Variants in TRAF3IP1 observed in about 807,000 individuals in gnomAD.
TRAF3IP1 encodes the protein intraflagellar transport 54, also known as TRAF3-interacting protein 1.
A neutral mutation model predicts 89.9 loss-of-function variants in TRAF3IP1; 53 were observed. The observed-to-expected ratio is 0.59, with a 90% CI of 0.47 to 0.74. TRAF3IP1 has a LOEUF of 0.74. Ranked by LOEUF, TRAF3IP1 falls within the 30% of genes least tolerant of loss-of-function variation. The pLI, the probability that TRAF3IP1 is intolerant of heterozygous loss-of-function variation, is 0.00. For synonymous variants in TRAF3IP1, 311 were observed against 322.1 expected (o/e 0.97, Z 0.37); for missense variants, 806 against 866.1 (o/e 0.93, Z 0.87).
chr2:238,362,129 C>G (rs1431636593), intron 15 of TRAF3IP1, among the ~76,000 whole-genome samples: 1 of 152,186 alleles, frequency 6.6e-6, no homozygotes, highest in Non-Finnish European at 1.5e-5. Context: ...GCACAGCACT[C>G]TCCTCTGGCG....
At chr2:238,371,280 T>G (rs56149708) in intron 15 of TRAF3IP1, among the ~76,000 whole-genome samples, 15,975 of 152,126 alleles carry the variant, frequency 0.11, 1,348 homozygotes, top group African/African-American at 0.23. Context: ...TTTTTTTCGG[T>G]TTGTTTTTGT....
chr2:238,362,635 A>G (rs1699711456), intron 15 of TRAF3IP1, among the ~76,000 whole-genome samples: 1 of 152,214 alleles, frequency 6.6e-6, no homozygotes, highest in Non-Finnish European at 1.5e-5. Flanking sequence ...TTCCACTTAT[A>G]TTATGTTGGC....
chr2:238,395,927 G>A (rs1461925022), intron 15 of TRAF3IP1, among the ~76,000 whole-genome samples: 1 of 152,184 alleles, frequency 6.6e-6, no homozygotes, highest in Non-Finnish European at 1.5e-5. Context: ...TTACACTGTT[G>A]GTGGGACTGT....
chr2:238,339,985 G>A (rs1559363305), intron 8 of TRAF3IP1, among the ~76,000 whole-genome samples: 1 of 151,992 alleles, frequency 6.6e-6, no homozygotes, highest in Admixed American at 6.6e-5. Context: ...AGATTGGGAT[G>A]GAGCCTGATG....
chr2:238,374,051 A>G (rs1700217824), intron 15 of TRAF3IP1, among the ~76,000 whole-genome samples: 1 of 152,184 alleles, frequency 6.6e-6, no homozygotes, highest in Admixed American at 6.5e-5. Context: ...GGGGTTTTCT[A>G]AATATACCAT....
intron 7 of TRAF3IP1, among the ~76,000 whole-genome samples, chr2:238,335,823 C>T (rs985030176): frequency 1.0e-4 from 15 of 146,844 alleles, no homozygotes; most frequent in East Asian, 1.9e-4. Flanking sequence ...TATTTTGAGA[C>T]GGAGTCTCAC....
intron 15 of TRAF3IP1, among the ~76,000 whole-genome samples, chr2:238,370,716 C>T (rs2106350580): frequency 6.6e-6 from 1 of 152,306 alleles, no homozygotes; most frequent in East Asian, 1.9e-4. Context: ...CTCTCATCTC[C>T]CTCTCGTGGC....
At position 238,329,346 on chromosome 2, in the gene TRAF3IP1, A is replaced by G; in HGVS notation, c.915+4A>G. On this transcript the variant is annotated splice_donor_region_variant and intron_variant, in intron 5 of 16. Transcript: ENST00000373327. Reference sequence around the variant, plus strand: ...GCATGACAAACCTGAGAAAAAGGTAAAGTCTTGCTGAGAACCTCGCCTTTT... The same window carrying G: ...GCATGACAAACCTGAGAAAAAGGTAGAGTCTTGCTGAGAACCTCGCCTTTT... The G allele has an allele frequency of 1.5e-6, 2 of 1,355,826 alleles. No individual in the cohort carries two copies. Among genetic ancestry groups the G allele is most frequent in the Non-Finnish European group, 1.9e-6 (2 of 1,045,958 alleles). The allele number at this position is 1,355,826 out of a possible 1,614,324, so 84.0% of individuals were successfully genotyped here. A position where few individuals can be genotyped will look rare whatever the true frequency, so the allele number is the denominator to read the frequency against.
chr2:238,329,337 A>G lies in TRAF3IP1; in HGVS notation c.910A>G (p.Lys304Glu), dbSNP rs200303815. The change falls in exon 5 of 17, where the codon AAA (lysine) becomes GAA (glutamate). Residue 304 changes from lysine to glutamate, a missense_variant. Physicochemically the swap from Lys to Glu is moderately conservative, Grantham distance 56. Coordinates refer to ENST00000373327, the MANE Select transcript of TRAF3IP1 (RefSeq NM_015650.4). Reference protein sequence around the residue: ...EKNREHDKPEKKSASSGEMSK... With the variant: ...EKNREHDKPEEKSASSGEMSK... ...GAACAGAGAGCATGACAAACCTGAG[A>G]AAAAGGTAAAGTCTTGCTGAGAACC... The G allele has an allele frequency of 1.0e-4, 140 of 1,357,758 alleles. No homozygotes were observed. The highest frequency in any genetic ancestry group is 1.3e-4 in the Non-Finnish European group (134 of 1,046,924). The allele number at this position is 1,357,758 out of a possible 1,614,324, so 84.1% of individuals were successfully genotyped here.
chr2:238,373,755 C>CT (rs1475066352), intron 15 of TRAF3IP1, among the ~76,000 whole-genome samples: 1 of 152,144 alleles, frequency 6.6e-6, no homozygotes, highest in East Asian at 1.9e-4. Context: ...TTGATTCTTC[C>CT]TATCCATGAG....
At chr2:238,325,450 C>A in intron 2 of TRAF3IP1, 76 bp downstream of exon 2, 1 of 1,452,388 alleles carries the variant, frequency 6.9e-7, no homozygotes, top group Non-Finnish European at 9.7e-7. Context: ...GGTAGTGTGG[C>A]TTGTGTCATT....
At chr2:238,337,048 A>G (rs1234599703) in intron 7 of TRAF3IP1, among the ~76,000 whole-genome samples, 2 of 152,046 alleles carry the variant, frequency 1.3e-5, no homozygotes, top group African/African-American at 4.8e-5. Flanking sequence ...GAGGGGGCAG[A>G]GGGACATGTT....
At chr2:238,333,479 GT>G (rs1366948498) in intron 6 of TRAF3IP1, among the ~76,000 whole-genome samples, 6 of 152,204 alleles carry the variant, frequency 3.9e-5, no homozygotes, top group Non-Finnish European at 5.9e-5. Flanking sequence ...TAGGCATAGA[GT>G]AGAGGCTGGG....
intron 15 of TRAF3IP1, among the ~76,000 whole-genome samples, chr2:238,375,974 C>T (rs1238029053): frequency 6.6e-6 from 1 of 152,154 alleles, no homozygotes; most frequent in African/African-American, 2.4e-5. Flanking sequence ...AATGCTGTCT[C>T]TGCTGAATAT....
At chr2:238,342,683 T>G (rs1044064056) in intron 8 of TRAF3IP1, among the ~76,000 whole-genome samples, 2 of 152,196 alleles carry the variant, frequency 1.3e-5, no homozygotes, top group Admixed American at 6.5e-5. Flanking sequence ...CTTATGTTTA[T>G]TTTTAGATTT....
chr2:238,341,418 G>A (rs1698647808), intron 8 of TRAF3IP1, among the ~76,000 whole-genome samples: 1 of 151,820 alleles, frequency 6.6e-6, no homozygotes, highest in Non-Finnish European at 1.5e-5. Context: ...TTAAAAAAAA[G>A]TACATTTTCC....
intron 15 of TRAF3IP1, among the ~76,000 whole-genome samples, chr2:238,358,378 A>G (rs1438594334): frequency 6.6e-6 from 1 of 152,164 alleles, no homozygotes; most frequent in Non-Finnish European, 1.5e-5. Context: ...TCTACTAAGA[A>G]TGCAAACATT....
At chr2:238,388,374 C>CAAAA (rs71043134) in intron 15 of TRAF3IP1, among the ~76,000 whole-genome samples, 5 of 101,630 alleles carry the variant, frequency 4.9e-5, no homozygotes, top group Admixed American at 2.2e-4. Context: ...GACCCTGTCT[C>CAAAA]AAAAAAAAAA....
At chr2:238,330,411 G>A (rs951866938) in intron 5 of TRAF3IP1, among the ~76,000 whole-genome samples, 1 of 152,160 alleles carries the variant, frequency 6.6e-6, no homozygotes, top group Admixed American at 6.5e-5. Flanking sequence ...ACCCAGACAC[G>A]CATTCTTTGG....
Sources: gnomAD v4.1 joint callset for allele counts (sites outside exome capture counted in the v4.1 genomes callset) on GRCh38, gnomAD v4.1.1 for gene constraint, MANE v1.5 for transcripts, NCBI Gene and HGNC (gene_info 2026-07-23, HGNC 2026-07-21) for gene names.